MAP2K6: variants seen among roughly 807,000 people sequenced by gnomAD.
The protein encoded by MAP2K6 is mitogen-activated protein kinase kinase 6, also known as dual specificity mitogen-activated protein kinase kinase 6.
Under a neutral mutation model 53.7 loss-of-function variants are expected in MAP2K6, and 16 were observed. That is an observed-to-expected ratio of 0.30 (90% CI 0.20 to 0.45). The LOEUF is 0.45. MAP2K6 is among the 20% of genes least tolerant of loss of function. MAP2K6 has a pLI of 1.00. For synonymous variants in MAP2K6, 132 were observed against 143.1 expected (o/e 0.92, Z 0.55); for missense variants, 204 against 411.9 (o/e 0.50, Z 4.37).
intron 1 of MAP2K6, among the ~76,000 whole-genome samples, chr17:69,431,237 C>T (rs773944887): frequency 8.5e-5 from 13 of 152,122 alleles, no homozygotes; most frequent in Admixed American, 1.3e-4. Flanking sequence ...TTTATTTAAA[C>T]ACTAAAGTTC....
intron 9 of MAP2K6, 81 bp from the exon 10 acceptor site, chr17:69,526,485 GCTGT>G: frequency 1.4e-6 from 2 of 1,452,944 alleles, no homozygotes; most frequent in Non-Finnish European, 1.9e-6. Context: ...TGTGTTTCCT[GCTGT>G]CTATCCACAA....
At chr17:69,519,824 C>T (rs542908410) in intron 5 of MAP2K6, 7 of 212,232 alleles carry the variant, frequency 3.3e-5, no homozygotes, top group Non-Finnish European at 6.5e-5. Context: ...CTTTTCTCTA[C>T]CTCTGTTTTC....
intron 1 of MAP2K6, among the ~76,000 whole-genome samples, chr17:69,495,665 C>CT (rs973108690): frequency 1.5e-4 from 23 of 150,818 alleles, no homozygotes; most frequent in Middle Eastern, 6.8e-3. Context: ...CCCACTCTGC[C>CT]TTTTTTTTTG....
intron 1 of MAP2K6, among the ~76,000 whole-genome samples, chr17:69,426,837 C>G (rs1442037073): frequency 6.6e-6 from 1 of 151,592 alleles, no homozygotes; most frequent in East Asian, 1.9e-4. Flanking sequence ...AGCAAAGTAT[C>G]TGAAGCTTAA....
chr17:69,458,479 G>T (rs1295027447), intron 1 of MAP2K6, among the ~76,000 whole-genome samples: 2 of 152,158 alleles, frequency 1.3e-5, no homozygotes, highest in African/African-American at 4.8e-5. Flanking sequence ...TGAAGTATAA[G>T]GACCACATTC....
At chr17:69,536,341 A>G (rs1367751628) in intron 11 of MAP2K6, among the ~76,000 whole-genome samples, 181 bp downstream of exon 11, 6 of 152,216 alleles carry the variant, frequency 3.9e-5, no homozygotes. Flanking sequence ...TCTTAAACAT[A>G]GGTTGGGACC....
In MAP2K6 at chr17:69,547,903, C is replaced by T. The variant is rs1911938262; in HGVS notation, c.*6150C>T. 6.6e-6 allele frequency: 1 copy of T among 152,100 alleles called. No individual in the cohort carries two copies. The highest frequency in any genetic ancestry group is 2.1e-4 in the South Asian group (1 of 4,828). The allele number at this position is 152,100 out of a possible 1,614,324, so 9.4% of individuals were successfully genotyped here. On this transcript the variant is annotated 3_prime_UTR_variant, in exon 12 of 12. Transcript: ENST00000590474. ...TTTATACACAAGGAGAATCACGAAC[C>T]CAGACACTAGTCAATCTCTCTATTC...
chr17:69,524,838 A>G (rs1910680346), intron 8 of MAP2K6, 63 bp from the exon 9 acceptor site: 2 of 1,270,548 alleles, frequency 1.6e-6, no homozygotes, highest in African/African-American at 1.5e-5. Context: ...CCCAGAGACT[A>G]TTGAGCTAAG....
intron 1 of MAP2K6, among the ~76,000 whole-genome samples, chr17:69,491,779 A>G (rs1485480538): frequency 2.0e-5 from 3 of 149,442 alleles, no homozygotes; most frequent in Non-Finnish European, 4.4e-5. Flanking sequence ...ATAGACTTTC[A>G]GACTGGTCTG....
At chr17:69,435,948 G>A (rs371453087) in intron 1 of MAP2K6, among the ~76,000 whole-genome samples, 26 of 151,944 alleles carry the variant, frequency 1.7e-4, no homozygotes, top group African/African-American at 5.8e-4. Context: ...GATTACAGGC[G>A]TGAGCCACTG....
chr17:69,486,184 T>C (rs1044437497), intron 1 of MAP2K6, among the ~76,000 whole-genome samples: 1 of 152,180 alleles, frequency 6.6e-6, no homozygotes, highest in African/African-American at 2.4e-5. Context: ...GTTGTGGTAC[T>C]TGAAGCCCAA....
At chr17:69,417,191 T>C (rs976542732) in intron 1 of MAP2K6, among the ~76,000 whole-genome samples, 7 of 152,340 alleles carry the variant, frequency 4.6e-5, no homozygotes, top group African/African-American at 1.7e-4. Context: ...GCCTGGACTT[T>C]AAATGTGGAA....
intron 6 of MAP2K6, 87 bp from the exon 7 acceptor site, chr17:69,520,955 ACCTAAAG>A: frequency 1.1e-6 from 1 of 946,910 alleles, no homozygotes; most frequent in South Asian, 1.7e-5. Flanking sequence ...CTCACTGGTA[ACCTAAAG>A]CCAAGGATAA....
chr17:69,422,429 G>C (rs1405631016), intron 1 of MAP2K6, among the ~76,000 whole-genome samples: 1 of 152,122 alleles, frequency 6.6e-6, no homozygotes, highest in African/African-American at 2.4e-5. Context: ...ACCACGCCTG[G>C]CCAAATCATC....
chr17:69,479,773 A>G (rs1314280007), intron 1 of MAP2K6, among the ~76,000 whole-genome samples: 1 of 149,192 alleles, frequency 6.7e-6, no homozygotes, highest in Non-Finnish European at 1.5e-5. Context: ...GCTGGAGTGC[A>G]ATGGTGCGAT....
chr17:69,525,026 C>T, intron 9 of MAP2K6, 48 bp downstream of exon 9: 1 of 1,515,664 alleles, frequency 6.6e-7, no homozygotes. Context: ...GGTAATGAAA[C>T]TAGAATGAGG....
At chr17:69,508,043 T>TG in intron 2 of MAP2K6, among the ~76,000 whole-genome samples, 1 of 54,344 alleles carries the variant, frequency 1.8e-5, no homozygotes, top group Non-Finnish European at 3.2e-5. Flanking sequence ...TATATGTAGT[T>TG]TTTTTTTTTT....
intron 11 of MAP2K6, among the ~76,000 whole-genome samples, chr17:69,536,708 G>A (rs567102487): frequency 4.1e-4 from 62 of 152,202 alleles, no homozygotes; most frequent in South Asian, 4.1e-4. Flanking sequence ...ATCACTTGCT[G>A]TGTCTATAAA....
chr17:69,536,687 A>T (rs1911376760), intron 11 of MAP2K6, among the ~76,000 whole-genome samples: 2 of 152,256 alleles, frequency 1.3e-5, no homozygotes, highest in African/African-American at 4.8e-5. Context: ...CTCCCTCAGC[A>T]TTCACAGTTT....
Sources: allele counts gnomAD v4.1 joint callset (sites outside exome capture counted in the v4.1 genomes callset), GRCh38; gene constraint gnomAD v4.1.1; transcripts MANE v1.5; gene names NCBI Gene and HGNC (gene_info 2026-07-23, HGNC 2026-07-21).